Variants in DSCAM observed in about 807,000 individuals in gnomAD.
DSCAM encodes cell adhesion molecule DSCAM.
A neutral mutation model predicts 217.7 loss-of-function variants in DSCAM; 47 were observed. The ratio of observed to expected loss-of-function variants is 0.22; its 90% CI spans 0.17 to 0.28. The LOEUF (loss-of-function observed/expected upper bound fraction) is 0.28, where lower values mean the gene tolerates loss of function less well. DSCAM is among the 10% of genes least tolerant of loss of function. The probability of loss-of-function intolerance (pLI) is 1.00; values close to 1 mark genes in which losing one functional copy is unlikely to be tolerated. For missense variants in DSCAM, 2,080 were observed against 2,618.3 expected, an observed-to-expected ratio of 0.79 and a Z score of 4.49; for synonymous variants, 1,056 against 1,015.3, an observed-to-expected ratio of 1.04 and a Z score of -0.76.
intron 3 of DSCAM, among the ~76,000 whole-genome samples, chr21:40,396,525 G>A (rs1321210459): frequency 6.6e-6 from 1 of 152,166 alleles, no homozygotes; most frequent in Admixed American, 6.5e-5. Flanking sequence ...GTACACACGT[G>A]CAGTGTTCCT....
At chr21:40,449,690 T>TA (rs1397067237) in intron 3 of DSCAM, among the ~76,000 whole-genome samples, 1 of 152,180 alleles carries the variant, frequency 6.6e-6, no homozygotes, top group Non-Finnish European at 1.5e-5. Context: ...TTGTTGAAGA[T>TA]AAAAGCATGA....
At chr21:40,570,686 G>A (rs1010626627) in intron 3 of DSCAM, among the ~76,000 whole-genome samples, 9 of 152,144 alleles carry the variant, frequency 5.9e-5, no homozygotes, top group Non-Finnish European at 1.0e-4. Flanking sequence ...GGAAGCAAAC[G>A]GTGAAAGCAA....
At chr21:40,111,033 G>T (rs1053715167) in intron 20 of DSCAM, among the ~76,000 whole-genome samples, 6 of 152,154 alleles carry the variant, frequency 3.9e-5, no homozygotes, top group Non-Finnish European at 7.4e-5. Context: ...TAGCAAGGCA[G>T]GCCAACATTC....
chr21:40,030,161 T>TCCACCCTTCTAGAGG (rs2088492423), intron 32 of DSCAM, among the ~76,000 whole-genome samples: 1 of 152,168 alleles, frequency 6.6e-6, no homozygotes, highest in South Asian at 2.1e-4. Context: ...TGCTCTGCGT[T>TCCACCCTTCTAGAGG]CCACCCTTCT....
chr21:40,471,257 TA>T (rs910752841), intron 3 of DSCAM, among the ~76,000 whole-genome samples: 1 of 152,162 alleles, frequency 6.6e-6, no homozygotes, highest in African/African-American at 2.4e-5. Context: ...GTCAGAGAAA[TA>T]TGCTTATGTC....
At chr21:40,555,665 T>G (rs1223326312) in intron 3 of DSCAM, among the ~76,000 whole-genome samples, 1 of 152,202 alleles carries the variant, frequency 6.6e-6, no homozygotes. Context: ...CAGCATCTGA[T>G]TCTGTCACCC....
intron 11 of DSCAM, among the ~76,000 whole-genome samples, chr21:40,271,642 C>G (rs1355537483): frequency 6.6e-6 from 1 of 152,214 alleles, no homozygotes; most frequent in Non-Finnish European, 1.5e-5. Flanking sequence ...TCACGCAAAT[C>G]TGCCTCCACC....
chr21:40,412,269 G>A (rs748862526), intron 3 of DSCAM, among the ~76,000 whole-genome samples: 1 of 152,196 alleles, frequency 6.6e-6, no homozygotes, highest in Non-Finnish European at 1.5e-5. Context: ...CTGATGAAAA[G>A]ATACCTGAAA....
At chr21:40,227,472 A>G (rs996166708) in intron 11 of DSCAM, among the ~76,000 whole-genome samples, 44 of 152,210 alleles carry the variant, frequency 2.9e-4, no homozygotes, top group African/African-American at 1.0e-3. Flanking sequence ...ATAGTAGACA[A>G]CATTTGGGGT....
intron 3 of DSCAM, among the ~76,000 whole-genome samples, chr21:40,439,958 C>A (rs184695279): frequency 8.5e-4 from 130 of 152,326 alleles, no homozygotes; most frequent in Non-Finnish European, 1.5e-3. Flanking sequence ...AACCATATCA[C>A]CTTCTGGACC....
chr21:40,310,397 C>G (rs543939210), intron 9 of DSCAM, among the ~76,000 whole-genome samples: 1 of 152,336 alleles, frequency 6.6e-6, no homozygotes, highest in South Asian at 2.1e-4. Context: ...TCCAGTCACA[C>G]TGACCTGTTT....
Position 40,144,638 on chromosome 21 carries a change from T to C in DSCAM, c.3112A>G (p.Ile1038Val). The change falls in exon 17 of 33, where the codon ATC (isoleucine) becomes GTC (valine). Residue 1038 changes from isoleucine (I) to valine (V), a missense_variant. By Grantham distance (29) the Ile-to-Val change is conservative. This residue lies in a region of DSCAM where 1,144 missense variants were observed against 1,421.1 expected (regional missense o/e 0.81). Transcript: ENST00000400454. The surrounding 1 kb of genome is among the most constrained non-coding windows in gnomAD (Gnocchi z 4.8). ...CTGTCCCCGCTGGTGTCGACACTGA[T>C]AATGTTGAATTGGAAGTTACCCCCA... ...STGGNFQFNI[I>V]SVDTSGDSEV... is the part of the protein sequence containing the mutation. 6.2e-7 allele frequency: 1 copy of C among 1,614,108 alleles called. No homozygotes were observed. The highest frequency in any genetic ancestry group is 8.5e-7 in the Non-Finnish European group (1 of 1,180,020).
chr21:40,749,965 T>C (rs1001340267), intron 1 of DSCAM, among the ~76,000 whole-genome samples: 1 of 151,888 alleles, frequency 6.6e-6, no homozygotes, highest in Non-Finnish European at 1.5e-5. Context: ...TTGAGACATG[T>C]TACCCAGGCT....
rs145996631 is a variant in DSCAM at position 40,241,058 on chromosome 21, C to A, written c.2356+35039G>T. 5.7e-3 allele frequency among the ~76,000 whole-genome samples: 872 copies of A among 152,288 alleles called. 11 individuals carry two copies. The highest frequency in any genetic ancestry group is 0.02 in the African/African-American group (837 of 41,558). On this transcript the variant is annotated intron_variant, in intron 11 of 32. Transcript: ENST00000400454. ...CCCTGGAAGACAACCTAGGCAATAC[C>A]ATCCTGGACCTAGGAACAGGCAAAT...
chr21:40,475,843 T>TAAATA (rs544869000), intron 3 of DSCAM, among the ~76,000 whole-genome samples: 2,877 of 151,742 alleles, frequency 0.019, 22 homozygotes, highest in Middle Eastern at 0.051. Context: ...ATAAATAAAT[T>TAAATA]AATAAATAAA....
intron 26 of DSCAM, among the ~76,000 whole-genome samples, chr21:40,077,044 C>A (rs1307909099): frequency 6.6e-6 from 1 of 152,132 alleles, no homozygotes; most frequent in Non-Finnish European, 1.5e-5. Context: ...GATGGGGACA[C>A]CTTTGAATGA....
At chr21:40,273,441 TCTC>T (rs1041962789) in intron 11 of DSCAM, among the ~76,000 whole-genome samples, 1 of 152,196 alleles carries the variant, frequency 6.6e-6, no homozygotes, top group African/African-American at 2.4e-5. Context: ...CTTTAAATGT[TCTC>T]CTCTCCCATC....
intron 19 of DSCAM, 137 bp downstream of exon 19, chr21:40,133,717 G>T: frequency 1.0e-6 from 1 of 972,818 alleles, no homozygotes. Context: ...GGTCTGAATT[G>T]CACTGGGATA....
At chr21:40,608,408 G>A (rs1347498127) in intron 3 of DSCAM, among the ~76,000 whole-genome samples, 1 of 152,200 alleles carries the variant, frequency 6.6e-6, no homozygotes, top group Admixed American at 6.5e-5. Context: ...AAGAAACCGT[G>A]CCATTGTATA....
Sources: allele counts gnomAD v4.1 joint callset (sites outside exome capture counted in the v4.1 genomes callset), GRCh38; gene constraint gnomAD v4.1.1; regional missense constraint gnomAD v4.1.1; non-coding constraint Gnocchi (gnomAD v3.1); transcripts MANE v1.5; gene names NCBI Gene and HGNC (gene_info 2026-07-23, HGNC 2026-07-21).